The following ANXA8 variants were observed in gnomAD, a reference collection of about 807,000 sequenced individuals.
ANXA8 encodes the protein VAC-beta.
In ANXA8, 9 loss-of-function variants were observed where a neutral mutation model predicts 26.8. The observed-to-expected ratio is 0.34, with a 90% CI of 0.20 to 0.59. ANXA8 has a LOEUF of 0.59. ANXA8 is among the 20% of genes least tolerant of loss of function. The pLI is 0.84. For synonymous variants in ANXA8, 39 were observed against 94.8 expected (o/e 0.41, Z 3.42); for missense variants, 83 against 238.5 (o/e 0.35, Z 4.29).
chr10:47,947,073 C>A, the ANXA8 span, among the ~76,000 whole-genome samples: 1 of 145,678 alleles, frequency 6.9e-6, no homozygotes, highest in African/African-American at 2.6e-5. Context: ...TGAAGTCAAG[C>A]AGCCCTGGCC....
the ANXA8 span, among the ~76,000 whole-genome samples, chr10:47,945,181 C>T: frequency 2.0e-5 from 3 of 149,912 alleles, no homozygotes; most frequent in Admixed American, 6.6e-5. Context: ...CTTGTGCTTC[C>T]ACTGCCACAT....
At chr10:47,981,326 C>T in the ANXA8 span, among the ~76,000 whole-genome samples, 2 of 136,280 alleles carry the variant, frequency 1.5e-5, no homozygotes, top group East Asian at 4.3e-4. Flanking sequence ...CTATGAAAAA[C>T]CACAACTGAC....
chr10:47,739,732 AT>A, the ANXA8 span, among the ~76,000 whole-genome samples: 1 of 131,532 alleles, frequency 7.6e-6, no homozygotes, highest in African/African-American at 2.8e-5. Context: ...CTTTATTATA[AT>A]TATTTTTACT....
the ANXA8 span, among the ~76,000 whole-genome samples, chr10:47,958,104 C>A: frequency 6.7e-6 from 1 of 150,324 alleles, no homozygotes; most frequent in Non-Finnish European, 1.5e-5. Flanking sequence ...TTAATAATAA[C>A]TATTCCATAA....
the ANXA8 span, chr10:47,599,842 G>GC: frequency 6.7e-6 from 1 of 150,010 alleles, no homozygotes; most frequent in Non-Finnish European, 1.5e-5. Context: ...TTCCTCACAC[G>GC]CACTGTTGGG....
the ANXA8 span, among the ~76,000 whole-genome samples, chr10:47,639,859 C>T: frequency 2.1e-5 from 3 of 143,686 alleles, no homozygotes; most frequent in African/African-American, 8.1e-5. Context: ...CTCACTGCAG[C>T]CTCTGCCTCC....
the ANXA8 span, among the ~76,000 whole-genome samples, chr10:47,555,720 A>T: frequency 3.3e-5 from 5 of 151,970 alleles, no homozygotes; most frequent in African/African-American, 1.2e-4. Flanking sequence ...CAGTCTTATG[A>T]TCTTAGTTGA....
the ANXA8 span, among the ~76,000 whole-genome samples, chr10:47,691,663 A>G: frequency 1.1e-4 from 16 of 150,614 alleles, no homozygotes; most frequent in African/African-American, 4.0e-4. Flanking sequence ...GGAGGCTGAC[A>G]TGAGAGGATT....
At chr10:47,957,384 T>C in the ANXA8 span, among the ~76,000 whole-genome samples, 1 of 150,428 alleles carries the variant, frequency 6.6e-6, no homozygotes, top group Non-Finnish European at 1.5e-5. Flanking sequence ...CTTTCATTCC[T>C]GTCAATCTCC....
chr10:47,490,014 G>A, the ANXA8 span, among the ~76,000 whole-genome samples: 17 of 150,154 alleles, frequency 1.1e-4, no homozygotes, highest in South Asian at 4.2e-4. Context: ...GGCCCTGCCC[G>A]GCCTGGAATG....
the ANXA8 span, among the ~76,000 whole-genome samples, chr10:47,711,295 T>G: frequency 3.3e-5 from 5 of 150,050 alleles, no homozygotes; most frequent in Non-Finnish European, 7.4e-5. Context: ...AATTGATGTT[T>G]CATTAAAATA....
At chr10:47,701,759 G>C in the ANXA8 span, among the ~76,000 whole-genome samples, 1 of 151,790 alleles carries the variant, frequency 6.6e-6, no homozygotes. Flanking sequence ...GTGGAAGAAA[G>C]TGGGGAATGG....
At chr10:47,603,699 CG>C in the ANXA8 span, among the ~76,000 whole-genome samples, 1 of 147,708 alleles carries the variant, frequency 6.8e-6, no homozygotes, top group Non-Finnish European at 1.5e-5. Flanking sequence ...TTATTAGAGA[CG>C]GGGTTTCACC....
the ANXA8 span, among the ~76,000 whole-genome samples, chr10:47,580,683 C>T: frequency 6.7e-6 from 1 of 149,624 alleles, no homozygotes; most frequent in African/African-American, 2.5e-5. Flanking sequence ...GCAGAGGCTG[C>T]AGTGACCCGA....
the ANXA8 span, among the ~76,000 whole-genome samples, chr10:47,737,033 A>G: frequency 1.3e-5 from 2 of 150,492 alleles, no homozygotes; most frequent in African/African-American, 4.9e-5. Context: ...TTGCTTTTTC[A>G]TATTTTACCT....
chr10:47,914,363 G>T, the ANXA8 span, among the ~76,000 whole-genome samples: 1 of 304 alleles, frequency 3.3e-3, no homozygotes, highest in Admixed American at 0.029. Flanking sequence ...TTCTCCTTTT[G>T]TTCTTTTAAC....
At chr10:47,528,586 T>C in the ANXA8 span, among the ~76,000 whole-genome samples, 2 of 151,744 alleles carry the variant, frequency 1.3e-5, no homozygotes, top group South Asian at 4.2e-4. Context: ...AAGTGAAAGA[T>C]GGGTTTAATT....
At chr10:47,627,059 T>C in the ANXA8 span, among the ~76,000 whole-genome samples, 2 of 149,366 alleles carry the variant, frequency 1.3e-5, no homozygotes, top group South Asian at 2.1e-4. Context: ...AATTCTCTTA[T>C]AGAAAACATT....
the ANXA8 span, chr10:47,763,006 C>G: frequency 1.7e-6 from 2 of 1,160,642 alleles, no homozygotes; most frequent in South Asian, 2.1e-5. Flanking sequence ...CACCCCCATC[C>G]CGGAGAGCAG....
Sources: gnomAD v4.1 joint callset for allele counts (sites outside exome capture counted in the v4.1 genomes callset) on GRCh38, gnomAD v4.1.1 for gene constraint, MANE v1.5 for transcripts, NCBI Gene and HGNC (gene_info 2026-07-23, HGNC 2026-07-21) for gene names.